Variants in ALOX15B observed in about 807,000 individuals in gnomAD.
The protein encoded by ALOX15B is polyunsaturated fatty acid lipoxygenase ALOX15B.
Under a neutral mutation model 73.8 loss-of-function variants are expected in ALOX15B, and 74 were observed. The ratio of observed to expected loss-of-function variants is 1.00; its 90% confidence interval spans 0.83 to 1.22. ALOX15B has a LOEUF of 1.22. Ranked by LOEUF, ALOX15B falls within the 50% of genes most tolerant of loss-of-function variation. The pLI is 0.00. For synonymous variants in ALOX15B, 353 were observed against 357.2 expected (o/e 0.99, Z 0.13); for missense variants, 896 against 859.9 (o/e 1.04, Z -0.52).
chr17:8,047,249 G>A lies in ALOX15B; in HGVS notation c.1458-9G>A, dbSNP rs375757394. On this transcript the variant is annotated splice_polypyrimidine_tract_variant and intron_variant, in intron 10 of 13. Coordinates refer to ENST00000380183, the MANE Select transcript of ALOX15B (RefSeq NM_001141.3). ...TTGGAGGCTGGACCTGAACCTGGATGCATTGCAGCTTTGTCTCTGAAATCA... is the reference window on the plus strand; with the variant it reads ...TTGGAGGCTGGACCTGAACCTGGATACATTGCAGCTTTGTCTCTGAAATCA... The A allele has an allele frequency of 1.4e-4, 222 of 1,613,904 alleles. No individual in the cohort carries two copies. Among genetic ancestry groups the A allele is most frequent in the Non-Finnish European group, 1.8e-4 (218 of 1,179,972 alleles).
At position 8,039,529 on chromosome 17, in the gene ALOX15B, G is replaced by A; in HGVS notation, c.291G>A (p.Pro97=). Residue 97 remains proline, a synonymous_variant, in exon 2 of 14, where the codon CCG becomes CCA. Coordinates refer to ENST00000380183, the MANE Select transcript of ALOX15B (RefSeq NM_001141.3). ...GCCGCTGGTTCCAGCTGACACCGCCGCGGGGCGGCCACCTCCTCTTCCCCT... is the reference window on the plus strand; with the variant it reads ...GCCGCTGGTTCCAGCTGACACCGCCACGGGGCGGCCACCTCCTCTTCCCCT... ...WFCRWFQLTP[P]RGGHLLFPCY... is the part of the protein sequence containing the mutation. The A allele has an allele frequency of 6.4e-7, 1 of 1,550,794 alleles. No individual in the cohort carries two copies. The highest frequency in any genetic ancestry group is 8.7e-7 in the Non-Finnish European group (1 of 1,151,854).
chr17:8,044,989 G>A lies in ALOX15B; in HGVS notation c.837G>A (p.Gln279=). 6.2e-7 allele frequency: 1 copy of A among 1,614,154 alleles called. No homozygotes were observed. The change falls in exon 6 of 14, where the codon CAG becomes CAA. Residue 279 remains glutamine, a synonymous_variant. Coordinates refer to ENST00000380183, the MANE Select transcript of ALOX15B (RefSeq NM_001141.3). The part of the protein sequence containing the change: ...ASVLGPGTSL[Q]AELEKGSLFL... ...TGTTGGGTCCTGGGACCAGCTTGCA[G>A]GCTGAGCTAGAGGTGAGGGGTGCAG...
chr17:8,041,288 C>T (rs904562793), intron 3 of ALOX15B, among the ~76,000 whole-genome samples: 1 of 152,210 alleles, frequency 6.6e-6, no homozygotes, highest in African/African-American at 2.4e-5. Context: ...GAATACCAAT[C>T]TCGTTTGGGT....
chr17:8,047,093 G>C lies in ALOX15B; in HGVS notation c.1457+17G>C. On this transcript the variant is annotated intron_variant, in intron 10 of 13. Coordinates refer to ENST00000380183, the MANE Select transcript of ALOX15B (RefSeq NM_001141.3). ...AGTGGAACGGTGAGGGGCCGTCCCT[G>C]GAGAGCCGAGGGCTGGTCGGGGACG... 1.2e-6 allele frequency: 2 copies of C among 1,613,118 alleles called. No individual in the cohort carries two copies. The highest frequency in any genetic ancestry group is 1.7e-6 in the Non-Finnish European group (2 of 1,179,894).
At chr17:8,040,635 G>GAAAGAAAT (rs1567969613) in intron 3 of ALOX15B, among the ~76,000 whole-genome samples, 3 of 131,172 alleles carry the variant, frequency 2.3e-5, no homozygotes, top group Admixed American at 7.4e-5. Flanking sequence ...AAGAAAGAAA[G>GAAAGAAAT]AAAGAAAGAA....
In ALOX15B at chr17:8,039,897, C is replaced by T. The variant is rs376353799; in HGVS notation, c.368-5C>T. On this transcript the variant is annotated splice_polypyrimidine_tract_variant and splice_region_variant and intron_variant, in intron 2 of 13. Coordinates refer to ENST00000380183, the MANE Select transcript of ALOX15B (RefSeq NM_001141.3). ...CCACCCCAACCTACTCCCCTTCTCC[C>T]ACAGCCAAGGTGTCCTGGGCAGACC... The T allele has an allele frequency of 2.7e-4, 433 of 1,609,936 alleles. 1 individual carries two copies. Among genetic ancestry groups the T allele is most frequent in the Non-Finnish European group, 3.4e-4 (400 of 1,177,758 alleles).
intron 3 of ALOX15B, among the ~76,000 whole-genome samples, chr17:8,042,154 A>G (rs1976479952): frequency 6.6e-6 from 1 of 152,170 alleles, no homozygotes; most frequent in Admixed American, 6.5e-5. Flanking sequence ...CTCTGGACCA[A>G]TCACCCTTGA....
chr17:8,046,613 C>A, intron 8 of ALOX15B, 55 bp from the exon 9 acceptor site: 1 of 1,563,172 alleles, frequency 6.4e-7, no homozygotes, highest in South Asian at 1.2e-5. Context: ...GGGGGAAGGT[C>A]TGGGGCCAGA....
At chr17:8,042,297 G>C in intron 3 of ALOX15B, 72 bp from the exon 4 acceptor site, 1 of 1,573,392 alleles carries the variant, frequency 6.4e-7, no homozygotes, top group South Asian at 1.2e-5. Context: ...CAAGGGGACT[G>C]CCACTCCATC....
At chr17:8,040,335 G>C (rs577591847) in intron 3 of ALOX15B, among the ~76,000 whole-genome samples, 1 of 151,804 alleles carries the variant, frequency 6.6e-6, no homozygotes, top group Non-Finnish European at 1.5e-5. Context: ...ACTGGAGGTC[G>C]GGAGTTCGAG....
At chr17:8,040,441 A>C (rs1976407187) in intron 3 of ALOX15B, among the ~76,000 whole-genome samples, 1 of 151,488 alleles carries the variant, frequency 6.6e-6, no homozygotes, top group African/African-American at 2.4e-5. Context: ...GCTACATGGG[A>C]GGCTGAGGCA....
At chr17:8,042,237 T>TCCCAGGAGC in intron 3 of ALOX15B, 132 bp from the exon 4 acceptor site, 1 of 1,143,764 alleles carries the variant, frequency 8.7e-7, no homozygotes, top group Non-Finnish European at 1.2e-6. Context: ...GAAGGGCAGC[T>TCCCAGGAGC]CCCAGGAGGG....
intron 3 of ALOX15B, among the ~76,000 whole-genome samples, chr17:8,040,829 G>C (rs4374227): frequency 0.29 from 44,794 of 152,054 alleles, 7,508 homozygotes; most frequent in Admixed American, 0.41. Flanking sequence ...TGAGATGGGG[G>C]CTCTCTCTGT....
chr17:8,042,274 T>G, intron 3 of ALOX15B, 95 bp from the exon 4 acceptor site: 1 of 1,489,748 alleles, frequency 6.7e-7, no homozygotes, highest in Non-Finnish European at 9.1e-7. Flanking sequence ...GGTCTGGCTG[T>G]GACCAGGCCC....
intron 3 of ALOX15B, among the ~76,000 whole-genome samples, chr17:8,040,522 G>C (rs2151811361): frequency 6.9e-6 from 1 of 144,370 alleles, no homozygotes; most frequent in East Asian, 2.1e-4. Flanking sequence ...CAGCATGGGG[G>C]ACAGAGCAAA....
At position 8,048,706 on chromosome 17, in the gene ALOX15B, C is replaced by A; in HGVS notation, c.*141C>A. The A allele has an allele frequency of 2.4e-6, 2 of 838,150 alleles. No homozygotes were observed. The highest frequency in any genetic ancestry group is 1.8e-6 in the Non-Finnish European group (1 of 556,076). 51.9% of individuals were successfully genotyped at this position (838,150 alleles called of 1,614,324 possible). A position where few individuals can be genotyped will look rare whatever the true frequency, so the allele number is the denominator to read the frequency against. ...GACAACCAGACTCTGTAACTCACCC[C>A]CACCACCATACACACACACAAAAAC... On this transcript the variant is annotated 3_prime_UTR_variant, in exon 14 of 14. Coordinates refer to ENST00000380183, the MANE Select transcript of ALOX15B (RefSeq NM_001141.3).
chr17:8,039,174 A>C lies in ALOX15B; in HGVS notation c.19A>C (p.Arg7=). 1 of 1,613,382 alleles carries C rather than the reference A, an allele frequency of 6.2e-7. No individual in the cohort carries two copies. Among genetic ancestry groups the C allele is most frequent in the South Asian group, 1.1e-5 (1 of 90,946 alleles). The change falls in exon 1 of 14, where the codon AGG becomes CGG. Residue 7 remains arginine, a synonymous_variant. Coordinates refer to ENST00000380183, the MANE Select transcript of ALOX15B (RefSeq NM_001141.3). ...TGGCAGCATGGCCGAGTTCAGGGTC[A>C]GGGTGTCCACCGGAGAAGCCTTCGG... is the stretch of plus-strand genomic sequence containing the variant. The part of the protein sequence containing the change: MAEFRV[R]VSTGEAFGAG...
In ALOX15B at chr17:8,048,554, G is replaced by A. The variant is rs201702180; in HGVS notation, c.2020G>A (p.Val674Ile). 1.6e-4 allele frequency: 260 copies of A among 1,613,404 alleles called. No homozygotes were observed. Among genetic ancestry groups the A allele is most frequent in the Non-Finnish European group, 2.0e-4 (238 of 1,179,564 alleles). ...AGACCCTCCCCTCATCGAGAACAGC[G>A]TCTCCATCTAAATCCCAGGGGAACA... ...YLDPPLIENS[V>I]SI is the part of the protein sequence containing the mutation. Residue 674 changes from valine to isoleucine, a missense_variant, in exon 14 of 14, where the codon GTC becomes ATC. Coordinates refer to ENST00000380183, the MANE Select transcript of ALOX15B (RefSeq NM_001141.3).
intron 5 of ALOX15B, 124 bp from the exon 6 acceptor site, chr17:8,044,705 A>G (rs1976556141): frequency 2.4e-6 from 2 of 823,210 alleles, no homozygotes; most frequent in Admixed American, 2.5e-5. Context: ...GGTAACTCTG[A>G]GGACACACTG....
Sources: gnomAD v4.1 joint callset for allele counts (sites outside exome capture counted in the v4.1 genomes callset) on GRCh38, gnomAD v4.1.1 for gene constraint, MANE v1.5 for transcripts, NCBI Gene and HGNC (gene_info 2026-07-23, HGNC 2026-07-21) for gene names.